The following FHAD1 variants were observed in gnomAD, a reference collection of about 807,000 sequenced individuals.
FHAD1 encodes the protein forkhead-associated domain-containing protein 1.
A neutral mutation model predicts 191.3 loss-of-function variants in FHAD1; 146 were observed. That is an observed-to-expected ratio of 0.76 (90% confidence interval 0.67 to 0.88). The LOEUF (loss-of-function observed/expected upper bound fraction) is 0.88, where lower values mean the gene tolerates loss of function less well. FHAD1 is among the 40% of genes least tolerant of loss of function. FHAD1 has a pLI of 0.00. For missense variants in FHAD1, 1,635 were observed against 1,785.8 expected (o/e 0.92, Z 1.52); for synonymous variants, 616 against 672.3 (o/e 0.92, Z 1.29).
chr1:15,328,607 A>G, intron 13 of FHAD1, 178 bp downstream of exon 13: 1 of 519,464 alleles, frequency 1.9e-6, no homozygotes, highest in Non-Finnish European at 3.2e-6. Flanking sequence ...GCCTAAAAAA[A>G]TGCCTCCCGG....
At chr1:15,323,861 C>A (rs540028654) in intron 10 of FHAD1, among the ~76,000 whole-genome samples, 6 of 152,302 alleles carry the variant, frequency 3.9e-5, no homozygotes, top group East Asian at 3.9e-4. Context: ...GCTTAGCTCC[C>A]AGAGCAGTTT....
chr1:15,378,622 C>T (rs1481593569), intron 28 of FHAD1, among the ~76,000 whole-genome samples: 6 of 152,210 alleles, frequency 3.9e-5, no homozygotes, highest in Non-Finnish European at 8.8e-5. Context: ...AATTTATTGT[C>T]ATCTTTAAAT....
chr1:15,297,372 A>C (rs1667305591), intron 5 of FHAD1, among the ~76,000 whole-genome samples: 1 of 152,232 alleles, frequency 6.6e-6, no homozygotes, highest in African/African-American at 2.4e-5. Flanking sequence ...ATTATATGAT[A>C]ATCGACTACT....
chr1:15,257,751 C>T (rs185294669), intron 2 of FHAD1, among the ~76,000 whole-genome samples: 1 of 152,358 alleles, frequency 6.6e-6, no homozygotes, highest in Admixed American at 6.5e-5. Flanking sequence ...ATCATCATCT[C>T]TCTTTTCAAT....
intron 3 of FHAD1, among the ~76,000 whole-genome samples, chr1:15,282,187 A>G (rs538825069): frequency 2.0e-5 from 3 of 152,264 alleles, no homozygotes; most frequent in African/African-American, 4.8e-5. Context: ...CTGTTTGCCA[A>G]TTGTTCAATT....
chr1:15,280,006 A>C (rs1338858424), intron 3 of FHAD1, among the ~76,000 whole-genome samples: 2 of 152,232 alleles, frequency 1.3e-5, no homozygotes, highest in Non-Finnish European at 1.5e-5. Context: ...ATTCTCTATC[A>C]GGGAAGTTCC....
At position 15,317,850 on chromosome 1, in the gene FHAD1, G is replaced by C. The variant is rs1674975276; in HGVS notation, c.1287G>C (p.Met429Ile). The change falls in exon 10 of 34, where the codon ATG becomes ATC. Residue 429 changes from methionine (M) to isoleucine (I), a missense_variant. Coordinates refer to ENST00000688493, the MANE Select transcript of FHAD1 (RefSeq NM_001391957.1). The stretch of plus-strand genomic sequence containing the variant: ...AAATCCAAGACATGGAGAAAGAAAT[G>C]AAGAAGCTTAGGGCAGAGCTGAGGA... ...KTQIQDMEKE[M>I]KKLRAELRKS... 6.4e-7 allele frequency: 1 copy of C among 1,551,616 alleles called. No homozygotes were observed. Among genetic ancestry groups the C allele is most frequent in the South Asian group, 1.2e-5 (1 of 84,068 alleles).
chr1:15,363,099 G>A (rs1695327104), intron 23 of FHAD1, among the ~76,000 whole-genome samples: 1 of 152,222 alleles, frequency 6.6e-6, no homozygotes, highest in African/African-American at 2.4e-5. Flanking sequence ...ATTTCTTACA[G>A]TTATGGAGAC....
At position 15,317,880 on chromosome 1, in the gene FHAD1, T is replaced by C. The variant is rs1404133427; in HGVS notation, c.1317T>C (p.Ser439=). 5 of 1,551,152 alleles carry C rather than the reference T, an allele frequency of 3.2e-6. No homozygotes were observed. The highest frequency in any genetic ancestry group is 4.4e-6 in the Non-Finnish European group (5 of 1,146,892). The change falls in exon 10 of 34, where the codon AGT becomes AGC. Residue 439 remains serine (S), a synonymous_variant. Transcript: ENST00000688493. ...AGCTTAGGGCAGAGCTGAGGAAGAG[T>C]TGTACTGAACAAAGCGTGATCTCTA... is the stretch of plus-strand genomic sequence containing the variant. ...MKKLRAELRK[S]CTEQSVISRT...
intron 26 of FHAD1, among the ~76,000 whole-genome samples, chr1:15,369,801 C>T (rs1383740477): frequency 1.3e-5 from 2 of 152,104 alleles, no homozygotes; most frequent in African/African-American, 2.4e-5. Flanking sequence ...CACCTGTGTT[C>T]GAATCCCAAC....
chr1:15,275,688 G>A (rs899272337), intron 3 of FHAD1, among the ~76,000 whole-genome samples: 4 of 152,160 alleles, frequency 2.6e-5, no homozygotes, highest in African/African-American at 7.2e-5. Context: ...AAAGAAAAAA[G>A]GAGGTAGTGA....
intron 22 of FHAD1, among the ~76,000 whole-genome samples, chr1:15,361,647 A>T (rs1473757373): frequency 6.6e-6 from 1 of 152,156 alleles, no homozygotes; most frequent in Non-Finnish European, 1.5e-5. Context: ...ATAGGGCACC[A>T]TGACAAGGAC....
At chr1:15,324,700 G>A (rs1677613421) in intron 11 of FHAD1, 141 bp downstream of exon 11, 1 of 662,776 alleles carries the variant, frequency 1.5e-6, no homozygotes, top group Admixed American at 2.4e-5. Flanking sequence ...CATGAGCAGA[G>A]GCTGTCTGCA....
intron 33 of FHAD1, 61 bp downstream of exon 33, chr1:15,391,324 T>C: frequency 1.7e-6 from 2 of 1,160,762 alleles, no homozygotes; most frequent in Non-Finnish European, 2.3e-6. Context: ...TGTTTTGTTT[T>C]GTTTTGCTTG....
intron 2 of FHAD1, among the ~76,000 whole-genome samples, chr1:15,254,447 A>G (rs1410650212): frequency 6.6e-6 from 1 of 152,236 alleles, no homozygotes; most frequent in East Asian, 1.9e-4. Context: ...GGTACTAAGT[A>G]AATGACGCCA....
intron 27 of FHAD1, among the ~76,000 whole-genome samples, chr1:15,374,857 TTTGTTTG>T (rs1558266579): frequency 8.9e-6 from 1 of 112,810 alleles, no homozygotes; most frequent in African/African-American, 4.6e-5. Flanking sequence ...CGTTTTTTTT[TTTGTTTG>T]TTTTTTTTTT....
intron 14 of FHAD1, among the ~76,000 whole-genome samples, chr1:15,336,525 CTTCT>C (rs1684175517): frequency 6.6e-6 from 1 of 152,138 alleles, no homozygotes; most frequent in Non-Finnish European, 1.5e-5. Context: ...TGCACAAATT[CTTCT>C]TTCTTTGGCG....
At chr1:15,255,600 A>G (rs956032520) in intron 2 of FHAD1, among the ~76,000 whole-genome samples, 9 of 152,210 alleles carry the variant, frequency 5.9e-5, no homozygotes, top group African/African-American at 2.2e-4. Context: ...GGACACTCAC[A>G]CATGGTCCCT....
In FHAD1 at chr1:15,345,284, T is replaced by G. The variant is rs566285370; in HGVS notation, c.2238+94T>G. 1.2e-5 allele frequency: 16 copies of G among 1,359,482 alleles called. No homozygotes were observed. The African/African-American group carries it at 2.0e-4, about 17-fold the overall frequency. 84.2% of individuals were successfully genotyped at this position (1,359,482 alleles called of 1,614,324 possible). On this transcript the variant is annotated intron_variant, in intron 17 of 33. Coordinates refer to ENST00000688493, the MANE Select transcript of FHAD1 (RefSeq NM_001391957.1). ...TGGTCTGGGCCCGCCGGCTCTGAGCTCCAGGGCTGTGCTGTCCACAGTCCC... is the reference window on the plus strand; with the variant it reads ...TGGTCTGGGCCCGCCGGCTCTGAGCGCCAGGGCTGTGCTGTCCACAGTCCC...
Sources: gnomAD v4.1 joint callset for allele counts (sites outside exome capture counted in the v4.1 genomes callset) on GRCh38, gnomAD v4.1.1 for gene constraint, MANE v1.5 for transcripts, NCBI Gene and HGNC (gene_info 2026-07-23, HGNC 2026-07-21) for gene names.